The following TMEM65 variants were observed in gnomAD, a reference collection of about 807,000 sequenced individuals.
TMEM65 encodes the protein transmembrane protein 65.
A neutral mutation model predicts 25.4 loss-of-function variants in TMEM65; 22 were observed. That is an observed-to-expected ratio of 0.86 (90% CI 0.62 to 1.23). The LOEUF (loss-of-function observed/expected upper bound fraction) is 1.23. TMEM65 is among the 50% of genes most tolerant of loss of function. TMEM65 has a pLI of 0.00. For synonymous variants in TMEM65, 132 were observed against 126.2 expected, an observed-to-expected ratio of 1.05 and a Z score of -0.31; for missense variants, 262 against 308.2, an observed-to-expected ratio of 0.85 and a Z score of 1.12.
chr8:124,330,605 T>C, intron 2 of TMEM65, 143 bp downstream of exon 2: 1 of 643,406 alleles, frequency 1.6e-6, no homozygotes, highest in Non-Finnish European at 2.5e-6. Flanking sequence ...TTATAAACTT[T>C]GTGCTTCATA....
intron 4 of TMEM65, among the ~76,000 whole-genome samples, chr8:124,322,788 G>GA (rs1156741833): frequency 2.6e-5 from 4 of 152,018 alleles, no homozygotes; most frequent in Non-Finnish European, 5.9e-5. Flanking sequence ...ACGAGGTCAG[G>GA]CATTCAAGAC....
intron 4 of TMEM65, among the ~76,000 whole-genome samples, chr8:124,322,549 C>T (rs1814316438): frequency 6.6e-6 from 1 of 151,912 alleles, no homozygotes; most frequent in Non-Finnish European, 1.5e-5. Context: ...ACAATAAATA[C>T]AACATAGAAC....
chr8:124,371,682 GAA>G (rs1292669674), intron 1 of TMEM65, among the ~76,000 whole-genome samples, 170 bp downstream of exon 1: 1 of 152,114 alleles, frequency 6.6e-6, no homozygotes, highest in Non-Finnish European at 1.5e-5. Flanking sequence ...TCGGGCGGCG[GAA>G]AGTCTCCCCG....
intron 1 of TMEM65, among the ~76,000 whole-genome samples, chr8:124,355,946 G>A (rs534740324): frequency 8.5e-5 from 13 of 152,184 alleles, no homozygotes; most frequent in African/African-American, 2.9e-4. Flanking sequence ...CTTCTTGCAG[G>A]TTCTGTTGCT....
chr8:124,308,827 A>G lies in TMEM65; in HGVS notation c.*5133T>C, dbSNP rs1814124229. ...ACATGAACCCTTCTATCACACAGGC[A>G]CTAAAACTAAAGCAAATGGTGGAAG... On this transcript the variant is annotated 3_prime_UTR_variant, in exon 7 of 7. Transcript: ENST00000297632. 1 of 152,258 alleles carries G rather than the reference A, an allele frequency of 6.6e-6. No homozygotes were observed. Among genetic ancestry groups the G allele is most frequent in the Non-Finnish European group, 1.5e-5 (1 of 68,046 alleles). The allele number at this position is 152,258 out of a possible 1,614,324, so 9.4% of individuals were successfully genotyped here. A position where few individuals can be genotyped will look rare whatever the true frequency, so the allele number is the denominator to read the frequency against.
At chr8:124,352,830 G>A (rs1202037725) in intron 1 of TMEM65, among the ~76,000 whole-genome samples, 1 of 152,092 alleles carries the variant, frequency 6.6e-6, no homozygotes, top group Non-Finnish European at 1.5e-5. Context: ...GGTATAAGGT[G>A]TCAGAACCCA....
intron 1 of TMEM65, 65 bp downstream of exon 1, chr8:124,371,789 G>T: frequency 6.9e-7 from 1 of 1,444,010 alleles, no homozygotes; most frequent in Non-Finnish European, 9.2e-7. Flanking sequence ...GCGGGCTCCC[G>T]GTGGGCTGGC....
intron 3 of TMEM65, among the ~76,000 whole-genome samples, chr8:124,324,798 A>G (rs1814347708): frequency 6.6e-6 from 1 of 152,052 alleles, no homozygotes; most frequent in Admixed American, 6.6e-5. Context: ...CCACTTCTTT[A>G]CTGTGTCCCA....
intron 3 of TMEM65, among the ~76,000 whole-genome samples, chr8:124,324,271 C>T (rs115329521): frequency 1.4e-4 from 21 of 152,152 alleles, no homozygotes; most frequent in African/African-American, 4.8e-4. Context: ...TAATGCATTA[C>T]TCATCAATTA....
chr8:124,361,843 T>TA (rs1427579856), intron 1 of TMEM65, among the ~76,000 whole-genome samples: 4 of 151,758 alleles, frequency 2.6e-5, no homozygotes, highest in African/African-American at 9.7e-5. Context: ...CTCAAAAAAA[T>TA]AAAAAATAAA....
intron 1 of TMEM65, among the ~76,000 whole-genome samples, chr8:124,345,793 G>A (rs145860636): frequency 6.6e-6 from 1 of 151,874 alleles, no homozygotes; most frequent in African/African-American, 2.4e-5. Flanking sequence ...ACCCAGGCTG[G>A]AGTGCAATGG....
At position 124,314,043 on chromosome 8, in the gene TMEM65, T is replaced by C; in HGVS notation, c.640A>G (p.Thr214Ala). The C allele has an allele frequency of 6.2e-7, 1 of 1,613,568 alleles. No individual in the cohort carries two copies. The highest frequency in any genetic ancestry group is 1.3e-5 in the African/African-American group (1 of 75,032). The change falls in exon 7 of 7, where the codon ACT becomes GCT. Residue 214 changes from threonine to alanine, a missense_variant. By Grantham distance (58) the Thr-to-Ala change is moderately conservative. Transcript: ENST00000297632. ...STHLGKAVGV[T>A]IGCILGMFPL... ...AACATTCCTAGAATGCAGCCAATAG[T>C]CACCCCAACAGCTTTGCCCTAAGGA... is the stretch of plus-strand genomic sequence containing the variant.
intron 4 of TMEM65, among the ~76,000 whole-genome samples, 190 bp from the exon 5 acceptor site, chr8:124,322,337 T>C (rs561473223): frequency 6.6e-6 from 1 of 152,320 alleles, no homozygotes; most frequent in African/African-American, 2.4e-5. Flanking sequence ...AATTATGCTA[T>C]TCTACCTCCA....
chr8:124,330,001 G>A (rs1224122241), intron 2 of TMEM65, among the ~76,000 whole-genome samples: 1 of 151,696 alleles, frequency 6.6e-6, no homozygotes, highest in Non-Finnish European at 1.5e-5. Context: ...TGGCCATTAG[G>A]TTTTTTTAAA....
At chr8:124,356,277 G>A (rs1814779498) in intron 1 of TMEM65, among the ~76,000 whole-genome samples, 1 of 152,066 alleles carries the variant, frequency 6.6e-6, no homozygotes. Flanking sequence ...TAGGATAGCG[G>A]GTAATCACTC....
intron 2 of TMEM65, 136 bp from the exon 3 acceptor site, chr8:124,327,557 T>C (rs1814380163): frequency 3.5e-6 from 2 of 567,320 alleles, no homozygotes; most frequent in East Asian, 6.6e-5. Context: ...CCAGAGCCAA[T>C]AGATGCTGCT....
At chr8:124,361,071 T>C (rs1035683929) in intron 1 of TMEM65, among the ~76,000 whole-genome samples, 1 of 152,234 alleles carries the variant, frequency 6.6e-6, no homozygotes, top group Non-Finnish European at 1.5e-5. Context: ...GGTTTTCATT[T>C]ACAAATACTG....
intron 1 of TMEM65, among the ~76,000 whole-genome samples, chr8:124,367,428 G>A (rs1432956499): frequency 6.6e-6 from 1 of 151,980 alleles, no homozygotes. Flanking sequence ...AGCTGAGATC[G>A]CACCACTGCA....
intron 1 of TMEM65, among the ~76,000 whole-genome samples, chr8:124,338,831 A>ATTTG (rs1814543936): frequency 6.6e-6 from 1 of 152,144 alleles, no homozygotes; most frequent in Non-Finnish European, 1.5e-5. Flanking sequence ...TTTGGCCTAA[A>ATTTG]GCTGCCTGAG....
Sources: gnomAD v4.1 joint callset for allele counts (sites outside exome capture counted in the v4.1 genomes callset) on GRCh38, gnomAD v4.1.1 for gene constraint, MANE v1.5 for transcripts, NCBI Gene and HGNC (gene_info 2026-07-23, HGNC 2026-07-21) for gene names.